The following NCOA1 variants were observed in gnomAD, a reference collection of about 807,000 sequenced individuals.
NCOA1 encodes the protein nuclear receptor coactivator 1, also known as Hin-2 protein.
NCOA1 carries 35 observed loss-of-function variants against 150.9 expected under a neutral mutation model. The ratio of observed to expected loss-of-function variants is 0.23; its 90% CI spans 0.18 to 0.31. The LOEUF is 0.31. Among genes scored for constraint, NCOA1 ranks in the 10% least tolerant of loss-of-function variants. The pLI is 1.00. For synonymous variants in NCOA1, 590 were observed against 630.0 expected, an observed-to-expected ratio of 0.94 and a Z score of 0.95; for missense variants, 1,491 against 1,749.3, an observed-to-expected ratio of 0.85 and a Z score of 2.63.
chr2:24,613,873 C>T (rs1572492169), intron 3 of NCOA1, among the ~76,000 whole-genome samples: 1 of 152,306 alleles, frequency 6.6e-6, no homozygotes, highest in South Asian at 2.1e-4. Context: ...GGTCCTGCTG[C>T]ACCCCGACTT....
intron 5 of NCOA1, 43 bp from the exon 6 acceptor site, chr2:24,665,706 G>C (rs1335250365): frequency 1.4e-6 from 2 of 1,397,528 alleles, no homozygotes; most frequent in Non-Finnish European, 1.9e-6. Context: ...AAGGAAATAT[G>C]GTGATACAAA....
intron 3 of NCOA1, among the ~76,000 whole-genome samples, chr2:24,622,929 AGTAT>A (rs765767314): frequency 6.6e-6 from 1 of 152,122 alleles, no homozygotes; most frequent in Non-Finnish European, 1.5e-5. Flanking sequence ...AAGGAAAGAG[AGTAT>A]GTATGTGTTG....
intron 15 of NCOA1, 81 bp from the exon 16 acceptor site, chr2:24,728,227 T>A (rs530485047): frequency 7.9e-7 from 1 of 1,266,018 alleles, no homozygotes; most frequent in African/African-American, 1.5e-5. Context: ...AAGACCAAAT[T>A]TGCATCTATA....
intron 1 of NCOA1, among the ~76,000 whole-genome samples, chr2:24,530,989 C>G (rs1267197088): frequency 6.6e-6 from 1 of 152,104 alleles, no homozygotes; most frequent in Admixed American, 6.5e-5. Flanking sequence ...GCAAGATTAC[C>G]TAGAGTGGCT....
chr2:24,575,344 G>A (rs1666910728), intron 2 of NCOA1, among the ~76,000 whole-genome samples: 1 of 151,958 alleles, frequency 6.6e-6, no homozygotes, highest in African/African-American at 2.4e-5. Flanking sequence ...GCATTTCTGT[G>A]TTCAACACTT....
intron 12 of NCOA1, among the ~76,000 whole-genome samples, chr2:24,705,457 T>C (rs1342420642): frequency 1.3e-5 from 2 of 152,184 alleles, no homozygotes; most frequent in East Asian, 3.8e-4. Flanking sequence ...AGGCTGAAAA[T>C]CTGCTTTTTA....
intron 17 of NCOA1, among the ~76,000 whole-genome samples, chr2:24,732,728 G>A (rs1314066411): frequency 1.3e-5 from 2 of 152,150 alleles, no homozygotes; most frequent in East Asian, 3.8e-4. Flanking sequence ...ATTCAGGGAT[G>A]TTATCAAGGA....
intron 8 of NCOA1, among the ~76,000 whole-genome samples, chr2:24,688,639 C>T (rs1453276896): frequency 6.6e-6 from 1 of 152,092 alleles, no homozygotes; most frequent in Admixed American, 6.6e-5. Context: ...CTTATGAATA[C>T]TGGATATTAG....
intron 4 of NCOA1, among the ~76,000 whole-genome samples, chr2:24,651,185 C>T (rs1315105718): frequency 1.3e-5 from 2 of 152,010 alleles, no homozygotes; most frequent in Non-Finnish European, 2.9e-5. Context: ...ACATATGACC[C>T]AGCAATACCT....
intron 3 of NCOA1, among the ~76,000 whole-genome samples, chr2:24,627,121 G>GTTTTTTT (rs33949925): frequency 1.7e-5 from 2 of 115,162 alleles, no homozygotes; most frequent in African/African-American, 3.4e-5. Context: ...GTTTTTTGCT[G>GTTTTTTT]TTTTTTTTTT....
intron 2 of NCOA1, among the ~76,000 whole-genome samples, chr2:24,582,632 G>A (rs1043052089): frequency 5.9e-5 from 9 of 152,030 alleles, no homozygotes; most frequent in Admixed American, 1.3e-4. Context: ...AACCACAGAC[G>A]ACCCCAAATA....
At chr2:24,615,832 AG>A (rs1668849676) in intron 3 of NCOA1, among the ~76,000 whole-genome samples, 1 of 152,166 alleles carries the variant, frequency 6.6e-6, no homozygotes, top group Non-Finnish European at 1.5e-5. Context: ...TGAGAATGTG[AG>A]GGATTAGAGT....
chr2:24,617,344 T>A (rs1286538900), intron 3 of NCOA1, among the ~76,000 whole-genome samples: 3 of 152,168 alleles, frequency 2.0e-5, no homozygotes, highest in Non-Finnish European at 4.4e-5. Context: ...CGTTATGATC[T>A]CTCCACCTCA....
At chr2:24,573,872 G>T (rs956021260) in intron 2 of NCOA1, among the ~76,000 whole-genome samples, 1 of 142,146 alleles carries the variant, frequency 7.0e-6, no homozygotes, top group Non-Finnish European at 1.6e-5. Flanking sequence ...TTCAGGCTAA[G>T]ACTCATACTG....
intron 11 of NCOA1, among the ~76,000 whole-genome samples, chr2:24,701,605 C>A (rs1673165371): frequency 1.3e-5 from 2 of 151,632 alleles, no homozygotes; most frequent in Admixed American, 6.6e-5. Context: ...AGAAAATTAA[C>A]AAAATTTTAA....
intron 3 of NCOA1, among the ~76,000 whole-genome samples, chr2:24,609,971 T>G (rs904771930): frequency 7.2e-5 from 11 of 152,120 alleles, no homozygotes; most frequent in Admixed American, 3.9e-4. Context: ...TTGAAATGTA[T>G]GACAATTTTA....
chr2:24,638,140 T>C (rs1670023142), intron 3 of NCOA1, among the ~76,000 whole-genome samples: 1 of 150,394 alleles, frequency 6.6e-6, no homozygotes, highest in Non-Finnish European at 1.5e-5. Context: ...CTTCCCAGCC[T>C]CTAGTATCTT....
chr2:24,608,901 GT>G (rs1261216531), intron 3 of NCOA1, among the ~76,000 whole-genome samples: 1 of 151,930 alleles, frequency 6.6e-6, no homozygotes, highest in Middle Eastern at 3.2e-3. Flanking sequence ...TTTGTCTGAT[GT>G]TTTTCTTGTG....
At chr2:24,557,897 G>A (rs1421322410) in intron 1 of NCOA1, among the ~76,000 whole-genome samples, 1 of 151,266 alleles carries the variant, frequency 6.6e-6, no homozygotes, top group Non-Finnish European at 1.5e-5. Context: ...TTCATTTTCA[G>A]CAGTTTGACT....
Sources: gnomAD v4.1 joint callset for allele counts (sites outside exome capture counted in the v4.1 genomes callset) on GRCh38, gnomAD v4.1.1 for gene constraint, MANE v1.5 for transcripts, NCBI Gene and HGNC (gene_info 2026-07-23, HGNC 2026-07-21) for gene names.